The following ATP2C2 variants were observed in gnomAD, a reference collection of about 807,000 sequenced individuals.
ATP2C2 encodes the protein ATPase secretory pathway Ca2+ transporting 2.
In ATP2C2, 171 loss-of-function variants were observed where a neutral mutation model predicts 110.8. That is an observed-to-expected ratio of 1.54 (90% CI 1.36 to 1.75). The LOEUF is 1.75. ATP2C2 is among the 40% of genes most tolerant of loss of function. The pLI is 0.00. For missense variants in ATP2C2, 1,963 were observed against 1,235.0 expected (o/e 1.59, Z -8.84); for synonymous variants, 804 against 508.4 (o/e 1.58, Z -7.82).
chr16:84,406,833 G>C (rs1254273505), intron 3 of ATP2C2, among the ~76,000 whole-genome samples: 1 of 151,960 alleles, frequency 6.6e-6, no homozygotes, highest in African/African-American at 2.4e-5. Flanking sequence ...ACTAGGACCC[G>C]CTCCCCCACT....
intron 6 of ATP2C2, among the ~76,000 whole-genome samples, chr16:84,412,532 G>T (rs1204455701): frequency 5.6e-5 from 8 of 143,800 alleles, no homozygotes; most frequent in Non-Finnish European, 1.2e-4. Context: ...GTGTGCATGT[G>T]TCTGTGTGTG....
At chr16:84,377,707 G>T (rs57399428) in intron 1 of ATP2C2, among the ~76,000 whole-genome samples, 47,538 of 151,848 alleles carry the variant, frequency 0.31, 8,117 homozygotes, top group East Asian at 0.47. Context: ...TGGGGTGTGG[G>T]GTTTAGGGCT....
intron 1 of ATP2C2, among the ~76,000 whole-genome samples, chr16:84,383,787 GTTTTT>G (rs58587781): frequency 4.3e-4 from 43 of 100,838 alleles, no homozygotes; most frequent in South Asian, 1.2e-3. Context: ...GGTTTTGTTG[GTTTTT>G]TTTTTTTTTT....
rs1460395250 is a variant in ATP2C2, at chr16:84,459,351, G to C, written c.2298G>C (p.Trp766Cys). Residue 766 changes from tryptophan to cysteine, a missense_variant, in exon 23 of 27, where the codon TGG becomes TGC. Coordinates refer to ENST00000262429, the MANE Select transcript of ATP2C2 (RefSeq NM_014861.4). ...PSPLNAMQIL[W>C]INIIMDGPPA... Reference sequence around the variant, plus strand: ...CCCTCAACGCCATGCAGATCCTATGGATCAACATCATCATGGATGGGCCAC... The same window carrying C: ...CCCTCAACGCCATGCAGATCCTATGCATCAACATCATCATGGATGGGCCAC... 2 of 1,614,068 alleles carry C rather than the reference G, an allele frequency of 1.2e-6. No homozygotes were observed. The highest frequency in any genetic ancestry group is 2.7e-5 in the African/African-American group (2 of 74,932).
At chr16:84,368,847 A>C (rs1909786446) in intron 1 of ATP2C2, 133 bp downstream of exon 1, 3 of 802,442 alleles carry the variant, frequency 3.7e-6, no homozygotes, top group South Asian at 3.5e-5. Flanking sequence ...CTCTGGAAAG[A>C]AGCTGTCCTC....
chr16:84,399,441 A>C (rs1226625337), intron 2 of ATP2C2, among the ~76,000 whole-genome samples: 1 of 152,226 alleles, frequency 6.6e-6, no homozygotes, highest in South Asian at 2.1e-4. Context: ...TTCCTCTACC[A>C]GCAAGTACAG....
rs1189052710 is a variant in ATP2C2, at chr16:84,408,435, G to A, written c.358G>A (p.Gly120Ser). Residue 120 changes from glycine (G) to serine (S), a missense_variant, in exon 4 of 27, where the codon GGC becomes AGC. By Grantham distance (56) the Gly-to-Ser change is moderately conservative. Coordinates refer to ENST00000262429, the MANE Select transcript of ATP2C2 (RefSeq NM_014861.4). ...FKNPLILLLLGSALVSVLTKE... is the reference protein window; with the variant it reads ...FKNPLILLLLSSALVSVLTKE... ...GAACCCCCTGATCCTGCTGCTGCTGGGCTCTGCCCTGGTGAGTGTCCTCAC... is the reference window on the plus strand; with the variant it reads ...GAACCCCCTGATCCTGCTGCTGCTGAGCTCTGCCCTGGTGAGTGTCCTCAC... The A allele has an allele frequency of 6.2e-7, 1 of 1,613,680 alleles. No individual in the cohort carries two copies. The highest frequency in any genetic ancestry group is 1.3e-5 in the African/African-American group (1 of 74,818).
At chr16:84,419,619 T>C (rs2150539298) in intron 7 of ATP2C2, among the ~76,000 whole-genome samples, 1 of 132,228 alleles carries the variant, frequency 7.6e-6, no homozygotes, top group Middle Eastern at 3.8e-3. Context: ...ACTGCAGCCC[T>C]TTTCCAGGTC....
chr16:84,426,111 A>G lies in ATP2C2; in HGVS notation c.986+310A>G, dbSNP rs191105738. ...ATTAAGAAAATAGTTTAATTGGCCTATGGTTCTACAGGCCGTACAGGAAGC... is the reference window on the plus strand; with the variant it reads ...ATTAAGAAAATAGTTTAATTGGCCTGTGGTTCTACAGGCCGTACAGGAAGC... On this transcript the variant is annotated intron_variant, in intron 11 of 26. Transcript: ENST00000262429. The G allele has an allele frequency of 6.8e-5, 23 of 336,468 alleles. No homozygotes were observed. The East Asian group carries it at 1.1e-3, about 16-fold the overall frequency. The allele number at this position is 336,468 out of a possible 1,614,324, so 20.8% of individuals were successfully genotyped here.
chr16:84,455,193 G>A (rs1910685491), intron 21 of ATP2C2, among the ~76,000 whole-genome samples: 1 of 152,028 alleles, frequency 6.6e-6, no homozygotes, highest in Admixed American at 6.6e-5. Flanking sequence ...ATGATGCCTG[G>A]GGCTAGTCAC....
At chr16:84,414,401 C>T (rs919497152) in intron 6 of ATP2C2, among the ~76,000 whole-genome samples, 4 of 152,200 alleles carry the variant, frequency 2.6e-5, no homozygotes, top group African/African-American at 2.4e-5. Flanking sequence ...TCCTCATGAT[C>T]CCAGATGGCT....
intron 16 of ATP2C2, 138 bp downstream of exon 16, chr16:84,446,568 A>G: frequency 1.9e-6 from 1 of 536,730 alleles, no homozygotes; most frequent in Non-Finnish European, 3.2e-6. Context: ...GGAAAAACTT[A>G]ATCACCATCA....
Position 84,463,810 on chromosome 16 carries a change from G to C in ATP2C2, c.*78G>C, listed in dbSNP as rs777105154. On this transcript the variant is annotated 3_prime_UTR_variant, in exon 27 of 27. Transcript: ENST00000262429. ...TGGCCCCTGCCGTGTCTCCTCGTCA[G>C]GGGAGACTTTTAGGAGGCCGCAGCC... is the stretch of plus-strand genomic sequence containing the variant. The C allele has an allele frequency of 7.3e-5, 96 of 1,322,260 alleles. No homozygotes were observed. Among genetic ancestry groups the C allele is most frequent in the Non-Finnish European group, 9.8e-5 (90 of 923,048 alleles). 81.9% of individuals were successfully genotyped at this position (1,322,260 alleles called of 1,614,324 possible).
intron 2 of ATP2C2, among the ~76,000 whole-genome samples, chr16:84,402,849 T>C (rs904002656): frequency 1.3e-5 from 2 of 152,210 alleles, no homozygotes; most frequent in African/African-American, 2.4e-5. Context: ...TGGAATTATT[T>C]AGTAGGATTG....
intron 2 of ATP2C2, among the ~76,000 whole-genome samples, chr16:84,400,322 GT>G (rs1249570974): frequency 1.5e-5 from 2 of 133,428 alleles, no homozygotes; most frequent in Non-Finnish European, 3.0e-5. Flanking sequence ...TGTATTTTTA[GT>G]TTTTTGTTGT....
At chr16:84,400,390 G>A (rs1356198578) in intron 2 of ATP2C2, among the ~76,000 whole-genome samples, 3 of 150,498 alleles carry the variant, frequency 2.0e-5, no homozygotes, top group East Asian at 1.9e-4. Flanking sequence ...GCGGTGGCGC[G>A]ATCTCTGCTC....
Position 84,463,600 on chromosome 16 carries a change from T to G in ATP2C2, c.2723-14T>G. ...CAGCCCGTCCTGAATCTTTTCTGTT[T>G]TCTCCCTTGGCAGATTTGCTGTTTT... On this transcript the variant is annotated splice_polypyrimidine_tract_variant and intron_variant, in intron 26 of 26. Coordinates refer to ENST00000262429, the MANE Select transcript of ATP2C2 (RefSeq NM_014861.4). 1 of 1,605,690 alleles carries G rather than the reference T, an allele frequency of 6.2e-7. No individual in the cohort carries two copies.
At chr16:84,390,621 T>A (rs1317700193) in intron 1 of ATP2C2, among the ~76,000 whole-genome samples, 1 of 152,124 alleles carries the variant, frequency 6.6e-6, no homozygotes, top group Non-Finnish European at 1.5e-5. Flanking sequence ...TTCCGGAGGC[T>A]GGAAAGGGCG....
At chr16:84,430,639 C>CAAAAAAA (rs566290549) in intron 11 of ATP2C2, among the ~76,000 whole-genome samples, 4 of 123,540 alleles carry the variant, frequency 3.2e-5, no homozygotes, top group African/African-American at 6.3e-5. Flanking sequence ...GACACCATCT[C>CAAAAAAA]AAAAAAAAAA....
Sources: allele counts gnomAD v4.1 joint callset (sites outside exome capture counted in the v4.1 genomes callset), GRCh38; gene constraint gnomAD v4.1.1; transcripts MANE v1.5; gene names NCBI Gene and HGNC (gene_info 2026-07-23, HGNC 2026-07-21).